Variants in HS6ST3 observed in about 807,000 individuals in gnomAD.
The protein encoded by HS6ST3 is heparan sulfate 6-O-sulfotransferase 3.
In HS6ST3, 12 loss-of-function variants were observed where a neutral mutation model predicts 36.7. The ratio of observed to expected loss-of-function variants is 0.33; its 90% CI spans 0.21 to 0.53. HS6ST3 has a LOEUF of 0.53. Among genes scored for constraint, HS6ST3 ranks in the 20% least tolerant of loss-of-function variants. HS6ST3 has a pLI of 0.95. For synonymous variants in HS6ST3, 240 were observed against 257.5 expected, an observed-to-expected ratio of 0.93 and a Z score of 0.65; for missense variants, 584 against 640.9, an observed-to-expected ratio of 0.91 and a Z score of 0.96.
chr13:96,120,986 C>T (rs190707589), intron 1 of HS6ST3, among the ~76,000 whole-genome samples: 2 of 152,308 alleles, frequency 1.3e-5, no homozygotes, highest in South Asian at 2.1e-4. Context: ...GCCATAGGGC[C>T]TGGCCTGGGC....
At chr13:96,317,202 T>C (rs969713377) in intron 1 of HS6ST3, among the ~76,000 whole-genome samples, 2 of 151,338 alleles carry the variant, frequency 1.3e-5, no homozygotes, top group Non-Finnish European at 2.9e-5. Flanking sequence ...CATTTATGAG[T>C]GAGAATATGC....
At chr13:96,122,214 G>T (rs764268506) in intron 1 of HS6ST3, among the ~76,000 whole-genome samples, 70 of 151,290 alleles carry the variant, frequency 4.6e-4, no homozygotes, top group Non-Finnish European at 8.2e-4. Flanking sequence ...CACAAAGATA[G>T]AAAGTAGTGG....
chr13:96,310,592 T>G (rs1044307175), intron 1 of HS6ST3, among the ~76,000 whole-genome samples: 1 of 151,988 alleles, frequency 6.6e-6, no homozygotes, highest in East Asian at 1.9e-4. Context: ...TCTTTCTATC[T>G]CTGTCTCCCT....
intron 1 of HS6ST3, among the ~76,000 whole-genome samples, chr13:96,289,425 A>T (rs1777270025): frequency 6.6e-6 from 1 of 152,200 alleles, no homozygotes; most frequent in African/African-American, 2.4e-5. Flanking sequence ...CCTGAAACAG[A>T]TCTCACTATA....
chr13:96,437,742 G>A (rs976676960), intron 1 of HS6ST3, among the ~76,000 whole-genome samples: 16 of 152,278 alleles, frequency 1.1e-4, no homozygotes, highest in African/African-American at 3.9e-4. Context: ...CCTTGCTGTA[G>A]TCAGTTCATA....
intron 1 of HS6ST3, among the ~76,000 whole-genome samples, chr13:96,111,272 C>T (rs1263742925): frequency 6.6e-6 from 1 of 152,166 alleles, no homozygotes; most frequent in East Asian, 1.9e-4. Flanking sequence ...AGCTTAATTA[C>T]TTCTGAATGT....
At chr13:96,283,983 T>C (rs2054787850) in intron 1 of HS6ST3, among the ~76,000 whole-genome samples, 1 of 152,206 alleles carries the variant, frequency 6.6e-6, no homozygotes, top group Non-Finnish European at 1.5e-5. Context: ...AGTTTGCTTA[T>C]TAAATGCCAG....
chr13:96,719,911 G>A (rs989115055), intron 1 of HS6ST3, among the ~76,000 whole-genome samples: 8 of 152,006 alleles, frequency 5.3e-5, no homozygotes, highest in East Asian at 1.9e-4. Flanking sequence ...TCTCCTGTCC[G>A]CTGAAGGGCT....
chr13:96,793,092 G>A (rs558101716), intron 1 of HS6ST3, among the ~76,000 whole-genome samples: 75 of 152,120 alleles, frequency 4.9e-4, no homozygotes, highest in African/African-American at 1.8e-3. Context: ...GTGACCTTGC[G>A]TCTCGCCAGC....
chr13:96,269,204 A>G (rs969061374), intron 1 of HS6ST3, among the ~76,000 whole-genome samples: 4 of 152,022 alleles, frequency 2.6e-5, no homozygotes, highest in African/African-American at 4.8e-5. Context: ...TAAAGGGTCA[A>G]AGTTTTATGG....
At chr13:96,739,642 A>G (rs1876383548) in intron 1 of HS6ST3, among the ~76,000 whole-genome samples, 1 of 152,210 alleles carries the variant, frequency 6.6e-6, no homozygotes, top group Admixed American at 6.5e-5. Flanking sequence ...GAATCGGACC[A>G]TTTCTCACCA....
At chr13:96,595,701 TC>T (rs2056399094) in intron 1 of HS6ST3, among the ~76,000 whole-genome samples, 1 of 152,114 alleles carries the variant, frequency 6.6e-6, no homozygotes, top group African/African-American at 2.4e-5. Flanking sequence ...GTTTCATGAA[TC>T]CTTTCTTCAT....
At chr13:96,361,975 A>G (rs931101929) in intron 1 of HS6ST3, among the ~76,000 whole-genome samples, 1 of 152,140 alleles carries the variant, frequency 6.6e-6, no homozygotes, top group African/African-American at 2.4e-5. Flanking sequence ...TCAATCAGAA[A>G]CTCTGGTAAT....
In HS6ST3 at chr13:96,637,249, G is replaced by T. The variant is rs536127658; in HGVS notation, c.708-195241G>T. ...AATATTTACCTTACCAGATTGGTAT[G>T]ATAAACAATATTGGGAGCAGGAGTG... On this transcript the variant is annotated intron_variant, in intron 1 of 1. Coordinates refer to ENST00000376705, the MANE Select transcript of HS6ST3 (RefSeq NM_153456.4). Among the ~76,000 whole-genome samples the T allele has an allele frequency of 2.0e-5, 3 of 152,236 alleles. No individual in the cohort carries two copies. In the East Asian group the frequency reaches 5.8e-4, roughly 29 times the overall value.
At position 96,459,053 on chromosome 13, in the gene HS6ST3, G is replaced by A. The variant is rs573131155; in HGVS notation, c.707+367484G>A. 2.2e-5 allele frequency among the ~76,000 whole-genome samples: 3 copies of A among 138,772 alleles called. No homozygotes were observed. In the South Asian group the frequency reaches 7.0e-4, roughly 32 times the overall value. 91.0% of individuals were successfully genotyped at this position (138,772 alleles called of 152,430 possible). On this transcript the variant is annotated intron_variant, in intron 1 of 1. Coordinates refer to ENST00000376705, the MANE Select transcript of HS6ST3 (RefSeq NM_153456.4). ...CTGGAAGTGGAGGTTGCAGTGAGCC[G>A]AGATTGTGTCACTACTCTCCAGCCT...
At chr13:96,604,926 T>C (rs965924193) in intron 1 of HS6ST3, among the ~76,000 whole-genome samples, 1 of 152,150 alleles carries the variant, frequency 6.6e-6, no homozygotes, top group African/African-American at 2.4e-5. Context: ...TTTCCATAAG[T>C]AGATTCTCTG....
intron 1 of HS6ST3, among the ~76,000 whole-genome samples, chr13:96,294,751 G>A (rs1290440901): frequency 6.6e-6 from 1 of 151,908 alleles, no homozygotes; most frequent in Non-Finnish European, 1.5e-5. Context: ...CCATTTGTAG[G>A]GTAACTTAAC....
intron 1 of HS6ST3, among the ~76,000 whole-genome samples, chr13:96,483,964 G>C (rs1421009860): frequency 1.3e-5 from 2 of 152,138 alleles, no homozygotes; most frequent in Admixed American, 1.3e-4. Context: ...TCTCACATGA[G>C]GATGTCCAGT....
intron 1 of HS6ST3, among the ~76,000 whole-genome samples, chr13:96,266,383 A>G (rs971528940): frequency 2.6e-5 from 4 of 152,206 alleles, no homozygotes; most frequent in Non-Finnish European, 4.4e-5. Flanking sequence ...GGTTGGGTGT[A>G]AAGATTCTGA....
Sources: allele counts gnomAD v4.1 joint callset (sites outside exome capture counted in the v4.1 genomes callset), GRCh38; gene constraint gnomAD v4.1.1; transcripts MANE v1.5; gene names NCBI Gene and HGNC (gene_info 2026-07-23, HGNC 2026-07-21).